PALLD: variants seen among roughly 807,000 people sequenced by gnomAD.
PALLD encodes palladin, cytoskeletal associated protein, also known as palladin.
A neutral mutation model predicts 123.5 loss-of-function variants in PALLD; 61 were observed. That is an observed-to-expected ratio of 0.49 (90% CI 0.40 to 0.61). The LOEUF (loss-of-function observed/expected upper bound fraction) is 0.61. Among genes scored for constraint, PALLD ranks in the 20% least tolerant of loss-of-function variants. The pLI, the probability that PALLD is intolerant of heterozygous loss-of-function variation, is 0.00. For synonymous variants in PALLD, 465 were observed against 496.4 expected (o/e 0.94, Z 0.84); for missense variants, 1,273 against 1,377.0 (o/e 0.92, Z 1.20).
chr4:168,889,138 T>TTG (rs143065658), intron 10 of PALLD, among the ~76,000 whole-genome samples: 17,634 of 132,126 alleles, frequency 0.13, 1,232 homozygotes, highest in Middle Eastern at 0.24. Context: ...TTGCTTTATT[T>TTG]TGTGTGTGTG....
chr4:168,678,283 G>A (rs1403576905), intron 3 of PALLD, among the ~76,000 whole-genome samples: 39 of 152,084 alleles, frequency 2.6e-4, no homozygotes, highest in Non-Finnish European at 7.4e-5. Context: ...TTCTTAGTGA[G>A]GTTCATTATG....
chr4:168,541,670 C>T (rs957718438), intron 2 of PALLD, among the ~76,000 whole-genome samples: 10 of 151,996 alleles, frequency 6.6e-5, no homozygotes, highest in African/African-American at 1.9e-4. Context: ...CCAGGCTAGT[C>T]GCAAACTCCT....
chr4:168,682,894 T>A, intron 4 of PALLD, 104 bp from the exon 5 acceptor site: 1 of 698,806 alleles, frequency 1.4e-6, no homozygotes, highest in East Asian at 2.8e-5. Context: ...GAAACCCAGC[T>A]TTTCTGTTGA....
chr4:168,919,322 G>A (rs1244199219), intron 17 of PALLD, among the ~76,000 whole-genome samples: 4 of 152,008 alleles, frequency 2.6e-5, no homozygotes, highest in Admixed American at 6.6e-5. Flanking sequence ...TCAGGAATCC[G>A]AGACCAGCCT....
chr4:168,759,196 A>AC (rs1561490370), intron 10 of PALLD, among the ~76,000 whole-genome samples: 1 of 37,058 alleles, frequency 2.7e-5, no homozygotes, highest in Non-Finnish European at 5.1e-5. Context: ...AAAAAAAAAA[A>AC]AAAAAAATAT....
chr4:168,910,796 T>A (rs1185215714), intron 15 of PALLD, among the ~76,000 whole-genome samples: 1 of 152,160 alleles, frequency 6.6e-6, no homozygotes, highest in Admixed American at 6.5e-5. Flanking sequence ...AGCTACTGAA[T>A]GCAATACGAA....
intron 8 of PALLD, among the ~76,000 whole-genome samples, chr4:168,702,895 A>T (rs575198243): frequency 0.087 from 12,917 of 148,436 alleles, 596 homozygotes; most frequent in Middle Eastern, 0.14. Context: ...TATTTATTTT[A>T]TTTATTTATT....
chr4:168,766,657 G>A (rs550912330), intron 10 of PALLD, among the ~76,000 whole-genome samples: 13 of 152,350 alleles, frequency 8.5e-5, no homozygotes, highest in Admixed American at 6.5e-4. Context: ...AGGATTGGGA[G>A]GCATGGGAAT....
Position 168,535,177 on chromosome 4 carries a change from A to G in PALLD, c.908+22765A>G, listed in dbSNP as rs528560192. Reference sequence around the variant, plus strand: ...AACTTGAGCATCTCTGAATTTTGGTATCCAAGGGAGGTCCTGGAACCACTC... The same window carrying G: ...AACTTGAGCATCTCTGAATTTTGGTGTCCAAGGGAGGTCCTGGAACCACTC... On this transcript the variant is annotated intron_variant, in intron 2 of 21. Coordinates refer to ENST00000505667, the MANE Select transcript of PALLD (RefSeq NM_001166108.2). Among the ~76,000 whole-genome samples the G allele has an allele frequency of 1.1e-4, 17 of 152,260 alleles. No individual in the cohort carries two copies. The East Asian group carries it at 2.7e-3, about 24-fold the overall frequency.
intron 2 of PALLD, among the ~76,000 whole-genome samples, chr4:168,627,437 G>A (rs934550387): frequency 6.6e-6 from 1 of 152,314 alleles, no homozygotes; most frequent in South Asian, 2.1e-4. Flanking sequence ...TTGGACCTAG[G>A]AAGAAGTGGT....
At chr4:168,703,834 G>A (rs1230043816) in intron 8 of PALLD, among the ~76,000 whole-genome samples, 4 of 144,626 alleles carry the variant, frequency 2.8e-5, no homozygotes, top group Non-Finnish European at 6.0e-5. Context: ...AGTAGGTTGC[G>A]AACATTTTCT....
intron 17 of PALLD, 123 bp from the exon 18 acceptor site, chr4:168,921,406 CAAAAA>C (rs5863967): frequency 1.7e-3 from 619 of 361,262 alleles, no homozygotes; most frequent in Middle Eastern, 3.1e-3. Flanking sequence ...AAACTCTGTC[CAAAAA>C]AAAAAAAAAA....
At chr4:168,497,464 G>C (rs1430958185) in intron 1 of PALLD, among the ~76,000 whole-genome samples, 2 of 152,126 alleles carry the variant, frequency 1.3e-5, no homozygotes, top group Non-Finnish European at 1.5e-5. Context: ...TGCTAAGATG[G>C]TGCTATCAAT....
intron 2 of PALLD, chr4:168,631,609 C>G: frequency 2.0e-6 from 2 of 985,516 alleles, no homozygotes; most frequent in South Asian, 9.4e-5. Context: ...CTCGGCGAGA[C>G]GCGGCGCATT....
chr4:168,880,659 C>CT (rs1752486229), intron 10 of PALLD, among the ~76,000 whole-genome samples: 1 of 152,182 alleles, frequency 6.6e-6, no homozygotes, highest in South Asian at 2.1e-4. Flanking sequence ...TTGAGTGTCC[C>CT]TATCAGGGCT....
rs150969120 is a variant in PALLD, at chr4:168,671,712, G to A, written c.1087+3344G>A. Among the ~76,000 whole-genome samples the A allele has an allele frequency of 1.0e-3, 158 of 152,242 alleles. 1 individual carries two copies. Among genetic ancestry groups the A allele is most frequent in the African/African-American group, 3.6e-3 (149 of 41,538 alleles). On this transcript the variant is annotated intron_variant, in intron 3 of 21. Coordinates refer to ENST00000505667, the MANE Select transcript of PALLD (RefSeq NM_001166108.2). ...GGAGAGAACCTCAGATAAATTCTTA[G>A]CCTCAACTTATGACTCAAAGTAAGA...
At chr4:168,607,485 C>T (rs1404758302) in intron 2 of PALLD, among the ~76,000 whole-genome samples, 2 of 152,066 alleles carry the variant, frequency 1.3e-5, no homozygotes, top group African/African-American at 2.4e-5. Flanking sequence ...TCAACTACAG[C>T]GGACCCTTGT....
At chr4:168,786,157 G>A (rs1043827118) in intron 10 of PALLD, among the ~76,000 whole-genome samples, 1 of 151,598 alleles carries the variant, frequency 6.6e-6, no homozygotes, top group South Asian at 2.1e-4. Context: ...GTGAAACCCC[G>A]TCTCTACTAA....
intron 10 of PALLD, among the ~76,000 whole-genome samples, chr4:168,814,616 A>C (rs28491310): frequency 0.71 from 107,573 of 152,102 alleles, 38,538 homozygotes; most frequent in African/African-American, 0.8. Context: ...TCTCTAAGCC[A>C]AGTCTTGGAC....
Sources: allele counts gnomAD v4.1 joint callset (sites outside exome capture counted in the v4.1 genomes callset), GRCh38; gene constraint gnomAD v4.1.1; transcripts MANE v1.5; gene names NCBI Gene and HGNC (gene_info 2026-07-23, HGNC 2026-07-21).